The following ASB15 variants were observed in gnomAD, a reference collection of about 807,000 sequenced individuals.
ASB15 encodes the protein ankyrin repeat and SOCS box containing 15, also known as ankyrin repeat and SOCS box protein 15.
ASB15 carries 54 observed loss-of-function variants against 58.0 expected under a neutral mutation model. The observed-to-expected ratio is 0.93, with a 90% confidence interval of 0.75 to 1.17. The LOEUF (loss-of-function observed/expected upper bound fraction) is 1.17. ASB15 is among the 50% of genes most tolerant of loss of function. The probability of loss-of-function intolerance (pLI) is 0.00; values close to 1 mark genes in which losing one functional copy is unlikely to be tolerated. For synonymous variants in ASB15, 249 were observed against 262.4 expected (o/e 0.95, Z 0.50); for missense variants, 680 against 707.4 (o/e 0.96, Z 0.44).
chr7:123,581,535 T>C (rs1356882390), intron 1 of ASB15, among the ~76,000 whole-genome samples: 1 of 151,954 alleles, frequency 6.6e-6, no homozygotes, highest in Non-Finnish European at 1.5e-5. Flanking sequence ...TCTTTTTTGA[T>C]GTGTCATGTT....
At chr7:123,634,030 G>GT (rs372278302) in intron 11 of ASB15, among the ~76,000 whole-genome samples, 12 of 151,930 alleles carry the variant, frequency 7.9e-5, no homozygotes, top group East Asian at 1.9e-4. Flanking sequence ...GTTTTTTTCT[G>GT]TTTTTTTTCC....
intron 3 of ASB15, among the ~76,000 whole-genome samples, chr7:123,611,307 T>C (rs1800440274): frequency 6.6e-6 from 1 of 152,090 alleles, no homozygotes; most frequent in Non-Finnish European, 1.5e-5. Flanking sequence ...TTTTTTTCTT[T>C]TTTTTGAGAC....
At chr7:123,592,414 G>C (rs1312241114) in intron 1 of ASB15, among the ~76,000 whole-genome samples, 4 of 152,030 alleles carry the variant, frequency 2.6e-5, no homozygotes. Context: ...TTTCTCTTGT[G>C]GGCATTTAGT....
chr7:123,619,326 T>A (rs933210261), intron 7 of ASB15, among the ~76,000 whole-genome samples: 1 of 151,952 alleles, frequency 6.6e-6, no homozygotes, highest in East Asian at 1.9e-4. Flanking sequence ...ATTAGTGTTA[T>A]AAGTGCTATA....
intron 11 of ASB15, 74 bp from the exon 12 acceptor site, chr7:123,636,735 C>T: frequency 7.9e-7 from 1 of 1,270,702 alleles, no homozygotes; most frequent in Non-Finnish European, 1.1e-6. Context: ...TCATGTTATT[C>T]TGAAACAGTC....
chr7:123,630,619 C>T (rs1802069896), intron 11 of ASB15, among the ~76,000 whole-genome samples: 1 of 151,886 alleles, frequency 6.6e-6, no homozygotes, highest in African/African-American at 2.4e-5. Context: ...GCCATTTTGT[C>T]TTTTCTAGGT....
At chr7:123,620,633 G>A (rs1227866556) in intron 7 of ASB15, among the ~76,000 whole-genome samples, 6 of 123,652 alleles carry the variant, frequency 4.9e-5, no homozygotes, top group South Asian at 2.9e-4. Flanking sequence ...GTGCAGTGGC[G>A]CGATCTCAAA....
At chr7:123,572,548 G>T (rs960119789) in intron 1 of ASB15, among the ~76,000 whole-genome samples, 1 of 151,776 alleles carries the variant, frequency 6.6e-6, no homozygotes, top group African/African-American at 2.4e-5. Flanking sequence ...CAATCGTAAA[G>T]ATTGATGTAT....
chr7:123,597,766 G>T (rs1183527947), upstream of ASB15, among the ~76,000 whole-genome samples: 7 of 152,158 alleles, frequency 4.6e-5, no homozygotes, highest in Admixed American at 2.0e-4. Context: ...AGGAGGCAGA[G>T]GTTGCAGTGA....
In ASB15 at chr7:123,572,118, G is replaced by A. The variant is rs531050790; in HGVS notation, c.-443+5030G>A. On this transcript the variant is annotated intron_variant, in intron 1 of 13. Coordinates refer to the ASB15 transcript ENST00000451558. The stretch of plus-strand genomic sequence containing the variant: ...TCTTGTTTTACAGTGATTTTACAGT[G>A]ATTGTAGAATTTCTTTTTTTTTTTT... 8.5e-5 allele frequency among the ~76,000 whole-genome samples: 11 copies of A among 128,672 alleles called. No homozygotes were observed. The South Asian group carries it at 2.6e-3, about 30-fold the overall frequency. 84.4% of individuals were successfully genotyped at this position (128,672 alleles called of 152,430 possible).
Position 123,620,234 on chromosome 7 carries a change from G to C in ASB15, c.451+2497G>C, listed in dbSNP as rs182262567. The C allele has an allele frequency of 2.0e-5, 3 of 152,028 alleles. No homozygotes were observed. The East Asian group carries it at 5.9e-4, about 30-fold the overall frequency. The allele number at this position is 152,028 out of a possible 1,614,324, so 9.4% of individuals were successfully genotyped here. On this transcript the variant is annotated intron_variant, in intron 7 of 11. Transcript: ENST00000451215. ...TGTCACAATGCCACCACACCTTGGG[G>C]CAACGGAGGCCAGGACATTTATTGT...
intron 11 of ASB15, among the ~76,000 whole-genome samples, chr7:123,631,040 T>C (rs948475125): frequency 1.3e-5 from 2 of 152,200 alleles, no homozygotes; most frequent in Non-Finnish European, 2.9e-5. Context: ...GTAGGATTGC[T>C]AGATTATAAA....
At chr7:123,586,128 T>A (rs1386801007) in intron 1 of ASB15, among the ~76,000 whole-genome samples, 1 of 151,868 alleles carries the variant, frequency 6.6e-6, no homozygotes, top group Non-Finnish European at 1.5e-5. Context: ...AATAGATTTA[T>A]TTTAAATTTT....
rs549900899 is a variant in ASB15, at chr7:123,613,950, G to A, written c.-2-551G>A. ...AATCCAAGCTACTCAGGAGGCTGAG[G>A]AGGGAGAATTGCTTGAATCCAGGAG... is the stretch of plus-strand genomic sequence containing the variant. On this transcript the variant is annotated intron_variant, in intron 3 of 11. Transcript: ENST00000451215. Among the ~76,000 whole-genome samples, 38 of 152,228 alleles carry A rather than the reference G, an allele frequency of 2.5e-4. No individual in the cohort carries two copies. In the South Asian group the frequency reaches 7.3e-3, roughly 29 times the overall value.
At chr7:123,599,020 T>C (rs1220280617), upstream of ASB15, 1 of 152,236 alleles carries the variant, frequency 6.6e-6, no homozygotes, top group Non-Finnish European at 1.5e-5. Context: ...AAAGGATTTA[T>C]TTTATGTTTT....
chr7:123,610,922 A>C (rs568054417), intron 3 of ASB15, among the ~76,000 whole-genome samples: 1 of 151,694 alleles, frequency 6.6e-6, no homozygotes, highest in East Asian at 2.0e-4. Flanking sequence ...TCTCTACTAA[A>C]AATACAAAAA....
At chr7:123,606,854 A>G (rs1800170953) in intron 2 of ASB15, among the ~76,000 whole-genome samples, 1 of 152,154 alleles carries the variant, frequency 6.6e-6, no homozygotes, top group Non-Finnish European at 1.5e-5. Context: ...TCATCTGTCA[A>G]TGGACATTTA....
chr7:123,628,792 A>T, intron 9 of ASB15, 72 bp from the exon 10 acceptor site: 1 of 1,027,004 alleles, frequency 9.7e-7, no homozygotes, highest in Non-Finnish European at 1.4e-6. Context: ...TCACTTATCT[A>T]GTGAGAACGG....
rs755483673 is a variant in ASB15, at chr7:123,624,635, C to T, written c.518C>T (p.Pro173Leu). 3.7e-6 allele frequency: 6 copies of T among 1,613,854 alleles called. No homozygotes were observed. In the East Asian group the frequency reaches 1.3e-4, roughly 36 times the overall value. ...AAACATAACACTAGCCTAGACCAGC[C>T]CTGTGTCAAGCGATGGTCAGCAATG... ...LIKHNTSLDQPCVKRWSAMHE... is the reference protein window; with the variant it reads ...LIKHNTSLDQLCVKRWSAMHE... Residue 173 changes from proline (P) to leucine (L), a missense_variant, in exon 8 of 12, where the codon CCC (proline) becomes CTC (leucine). Coordinates refer to ENST00000451215, the MANE Select transcript of ASB15 (RefSeq NM_001290258.2).
Sources: gnomAD v4.1 joint callset for allele counts (sites outside exome capture counted in the v4.1 genomes callset) on GRCh38, gnomAD v4.1.1 for gene constraint, MANE v1.5 for transcripts, NCBI Gene and HGNC (gene_info 2026-07-23, HGNC 2026-07-21) for gene names.